Variants in CDH6 observed in about 807,000 individuals in gnomAD.
CDH6 encodes cadherin-6.
Under a neutral mutation model 78.0 loss-of-function variants are expected in CDH6, and 31 were observed. The ratio of observed to expected loss-of-function variants is 0.40; its 90% CI spans 0.30 to 0.54. The LOEUF (loss-of-function observed/expected upper bound fraction) is 0.54, where lower values mean the gene tolerates loss of function less well. CDH6 is among the 20% of genes least tolerant of loss of function. The probability of loss-of-function intolerance (pLI) is 0.56; values close to 1 mark genes in which losing one functional copy is unlikely to be tolerated. For missense variants in CDH6, 724 were observed against 975.9 expected (o/e 0.74, Z 3.44); for synonymous variants, 376 against 368.8 (o/e 1.02, Z -0.23).
At chr5:31,301,472 G>T (rs1387133408) in intron 5 of CDH6, among the ~76,000 whole-genome samples, 1 of 151,974 alleles carries the variant, frequency 6.6e-6, no homozygotes, top group East Asian at 1.9e-4. Context: ...GGAAACATAG[G>T]TTTCAAATTA....
At chr5:31,217,073 G>A (rs1473733073) in intron 1 of CDH6, among the ~76,000 whole-genome samples, 1 of 152,048 alleles carries the variant, frequency 6.6e-6, no homozygotes, top group Non-Finnish European at 1.5e-5. Flanking sequence ...GCGTGTATAG[G>A]TGCAACAATA....
At chr5:31,236,483 C>A (rs940359987) in intron 1 of CDH6, among the ~76,000 whole-genome samples, 2 of 152,126 alleles carry the variant, frequency 1.3e-5, no homozygotes, top group African/African-American at 4.8e-5. Context: ...TCTCTCCGAT[C>A]GTCTTAGTTC....
rs574416754 is a variant in CDH6, at chr5:31,241,301, A to T, written c.-128-26045A>T. ...CCTGACTGTACAGTTTCCTAAGATG[A>T]TAGACCCACTCCAGCTCAACCTCCT... is the stretch of plus-strand genomic sequence containing the variant. On this transcript the variant is annotated intron_variant, in intron 1 of 11. Transcript: ENST00000265071. Among the ~76,000 whole-genome samples the T allele has an allele frequency of 9.9e-5, 15 of 152,258 alleles. No individual in the cohort carries two copies. In the South Asian group the frequency reaches 3.1e-3, roughly 32 times the overall value.
chr5:31,207,763 A>C (rs1740573260), intron 1 of CDH6, among the ~76,000 whole-genome samples: 1 of 152,214 alleles, frequency 6.6e-6, no homozygotes, highest in African/African-American at 2.4e-5. Context: ...GTTGGAGGTT[A>C]GTTTTCTTTT....
At chr5:31,203,837 T>G (rs1740439040) in intron 1 of CDH6, among the ~76,000 whole-genome samples, 1 of 151,794 alleles carries the variant, frequency 6.6e-6, no homozygotes, top group Non-Finnish European at 1.5e-5. Flanking sequence ...ACTTCCACAA[T>G]GGTTGAACTA....
At chr5:31,213,461 G>C (rs1317559994) in intron 1 of CDH6, among the ~76,000 whole-genome samples, 1 of 152,162 alleles carries the variant, frequency 6.6e-6, no homozygotes, top group African/African-American at 2.4e-5. Flanking sequence ...TCTAGAGCGT[G>C]GGTGAGGGGT....
chr5:31,302,794 G>A (rs201638244), intron 6 of CDH6, among the ~76,000 whole-genome samples: 8,114 of 35,990 alleles, frequency 0.23, 444 homozygotes, highest in East Asian at 0.36. Context: ...GAGAGAGAGA[G>A]AGAGAGAAAG....
At chr5:31,272,139 C>T (rs1052484302) in intron 2 of CDH6, among the ~76,000 whole-genome samples, 3 of 152,086 alleles carry the variant, frequency 2.0e-5, no homozygotes, top group Non-Finnish European at 4.4e-5. Flanking sequence ...AAGACAGAGC[C>T]GGTGTTAGCT....
At chr5:31,236,886 C>T (rs546252300) in intron 1 of CDH6, among the ~76,000 whole-genome samples, 1 of 152,148 alleles carries the variant, frequency 6.6e-6, no homozygotes, top group Admixed American at 6.5e-5. Context: ...CTGCCTTATT[C>T]GATGTGATTT....
At chr5:31,287,909 A>G (rs11955309) in intron 2 of CDH6, among the ~76,000 whole-genome samples, 2 of 152,224 alleles carry the variant, frequency 1.3e-5, no homozygotes, top group African/African-American at 4.8e-5. Flanking sequence ...CAAAACTTCA[A>G]AAACATAATG....
chr5:31,220,155 G>A (rs1000318491), intron 1 of CDH6, among the ~76,000 whole-genome samples: 4 of 152,312 alleles, frequency 2.6e-5, no homozygotes, highest in African/African-American at 7.2e-5. Flanking sequence ...CCATGTTGGA[G>A]AGCATCAAAG....
intron 8 of CDH6, among the ~76,000 whole-genome samples, chr5:31,315,707 G>A (rs1284835486): frequency 1.3e-5 from 2 of 152,160 alleles, no homozygotes; most frequent in Non-Finnish European, 2.9e-5. Context: ...ATAAAATGGG[G>A]GCAGTACCTC....
chr5:31,278,070 T>A (rs1742747475), intron 2 of CDH6, among the ~76,000 whole-genome samples: 1 of 152,176 alleles, frequency 6.6e-6, no homozygotes, highest in Non-Finnish European at 1.5e-5. Context: ...AAGTATACAG[T>A]ATTATATTAA....
At chr5:31,210,824 T>C (rs927787209) in intron 1 of CDH6, among the ~76,000 whole-genome samples, 2 of 152,228 alleles carry the variant, frequency 1.3e-5, no homozygotes, top group South Asian at 4.1e-4. Flanking sequence ...GGGTTTTTTT[T>C]CCTGAATATT....
At position 31,323,691 on chromosome 5, in the gene CDH6, T is replaced by A; in HGVS notation, c.*383T>A. On this transcript the variant is annotated 3_prime_UTR_variant, in exon 12 of 12. Transcript: ENST00000265071. ...TTCACAGGCTAATGGGATAAAGGAC[T>A]GTGCTTTAAAGATAAAAATATCATC... is the stretch of plus-strand genomic sequence containing the variant. The A allele has an allele frequency of 3.9e-6, 1 of 254,872 alleles. No individual in the cohort carries two copies. The highest frequency in any genetic ancestry group is 7.7e-6 in the Non-Finnish European group (1 of 129,988). The allele number at this position is 254,872 out of a possible 1,614,324, so 15.8% of individuals were successfully genotyped here.
chr5:31,257,004 A>G (rs1245670303), intron 1 of CDH6, among the ~76,000 whole-genome samples: 1 of 152,112 alleles, frequency 6.6e-6, no homozygotes, highest in Non-Finnish European at 1.5e-5. Context: ...TTCGACAGTA[A>G]TTTTCCTTTT....
chr5:31,275,833 A>C (rs1205251990), intron 2 of CDH6, among the ~76,000 whole-genome samples: 1 of 152,232 alleles, frequency 6.6e-6, no homozygotes, highest in Non-Finnish European at 1.5e-5. Flanking sequence ...CCAAGAATAC[A>C]TTGTAACCAG....
intron 1 of CDH6, among the ~76,000 whole-genome samples, chr5:31,236,110 G>T (rs1453454653): frequency 6.6e-6 from 1 of 151,920 alleles, no homozygotes; most frequent in Non-Finnish European, 1.5e-5. Flanking sequence ...TTTATTATGC[G>T]GTATAAATTT....
intron 1 of CDH6, among the ~76,000 whole-genome samples, chr5:31,228,695 A>C (rs1741232083): frequency 6.6e-6 from 1 of 152,198 alleles, no homozygotes; most frequent in African/African-American, 2.4e-5. Context: ...CGCAACCTGC[A>C]TCCCTCACAT....
Sources: gnomAD v4.1 joint callset for allele counts (sites outside exome capture counted in the v4.1 genomes callset) on GRCh38, gnomAD v4.1.1 for gene constraint, MANE v1.5 for transcripts, NCBI Gene and HGNC (gene_info 2026-07-23, HGNC 2026-07-21) for gene names.